Variants in KLF12 observed in about 807,000 individuals in gnomAD.
KLF12 encodes the protein KLF transcription factor 12, also known as Krueppel-like factor 12.
A neutral mutation model predicts 37.8 loss-of-function variants in KLF12; 9 were observed. The ratio of observed to expected loss-of-function variants is 0.24; its 90% CI spans 0.14 to 0.42. The LOEUF is 0.42. Ranked by LOEUF, KLF12 falls within the 10% of genes least tolerant of loss-of-function variation. The pLI is 1.00. For missense variants in KLF12, 411 were observed against 516.0 expected (o/e 0.80, Z 1.97); for synonymous variants, 208 against 202.1 (o/e 1.03, Z -0.25).
At chr13:73,954,504 T>C (rs1890767269) in intron 2 of KLF12, among the ~76,000 whole-genome samples, 1 of 152,200 alleles carries the variant, frequency 6.6e-6, no homozygotes. Flanking sequence ...CATAAAAGCA[T>C]GACGTAGTGT....
intron 5 of KLF12, among the ~76,000 whole-genome samples, chr13:73,804,614 T>G (rs1257862890): frequency 6.6e-6 from 1 of 152,094 alleles, no homozygotes. Context: ...AGCATATACT[T>G]TAGGTTTTAT....
In KLF12 at chr13:73,789,887, A is replaced by G. The variant is rs1348603432; in HGVS notation, c.806+23265T>C. On this transcript the variant is annotated intron_variant, in intron 5 of 7. Coordinates refer to ENST00000377669, the MANE Select transcript of KLF12 (RefSeq NM_007249.5). ...GAGACGGGGTTTCACCGTGTTAGCC[A>G]GGATGGTCTCGATCTCCTGACCTTG... is the stretch of plus-strand genomic sequence containing the variant. Among the ~76,000 whole-genome samples the G allele has an allele frequency of 3.3e-5, 5 of 152,216 alleles. 1 individual carries two copies. In the East Asian group the frequency reaches 9.7e-4, roughly 30 times the overall value.
chr13:74,270,531 C>T, the KLF12 span, among the ~76,000 whole-genome samples: 13 of 152,168 alleles, frequency 8.5e-5, no homozygotes, highest in African/African-American at 1.9e-4. Flanking sequence ...ACTGAGGACA[C>T]GGAAGCTTTG....
At chr13:74,206,850 A>C in the KLF12 span, among the ~76,000 whole-genome samples, 1 of 152,198 alleles carries the variant, frequency 6.6e-6, no homozygotes, top group Non-Finnish European at 1.5e-5. Flanking sequence ...AGTCTTCAAG[A>C]GTTTCTAAAC....
At chr13:74,023,364 G>A (rs1365497442) in intron 1 of KLF12, among the ~76,000 whole-genome samples, 1 of 152,222 alleles carries the variant, frequency 6.6e-6, no homozygotes, top group Non-Finnish European at 1.5e-5. Flanking sequence ...TTATTGGCAG[G>A]TGTATTAGTT....
intron 1 of KLF12, among the ~76,000 whole-genome samples, chr13:74,023,584 A>G (rs1892900012): frequency 6.6e-6 from 1 of 152,102 alleles, no homozygotes; most frequent in South Asian, 2.1e-4. Flanking sequence ...GCCTGTAAAT[A>G]TATCACTCCA....
chr13:73,833,058 G>A (rs141845654), intron 4 of KLF12, among the ~76,000 whole-genome samples: 136 of 152,308 alleles, frequency 8.9e-4, no homozygotes, highest in African/African-American at 3.2e-3. Context: ...TGCTGATGCA[G>A]TTAACTGCAG....
intron 2 of KLF12, among the ~76,000 whole-genome samples, chr13:73,947,802 T>A (rs1363131988): frequency 6.6e-6 from 1 of 152,166 alleles, no homozygotes; most frequent in Admixed American, 6.5e-5. Context: ...TGATCTTCAA[T>A]GACCAGAACT....
intron 4 of KLF12, among the ~76,000 whole-genome samples, chr13:73,838,219 C>T (rs1291314521): frequency 2.0e-4 from 30 of 152,130 alleles, no homozygotes; most frequent in Admixed American, 2.0e-3. Context: ...ACAAATATAA[C>T]CAGCATGAGA....
At chr13:73,763,620 C>T (rs1208850493) in intron 6 of KLF12, among the ~76,000 whole-genome samples, 2 of 152,138 alleles carry the variant, frequency 1.3e-5, no homozygotes, top group Non-Finnish European at 2.9e-5. Context: ...GTTATTTACT[C>T]CATGTTTTAC....
chr13:74,037,969 C>T (rs1461683816), intron 1 of KLF12, among the ~76,000 whole-genome samples: 1 of 152,026 alleles, frequency 6.6e-6, no homozygotes, highest in Non-Finnish European at 1.5e-5. Context: ...GCACAGGAAG[C>T]CTTGTGGGCA....
At chr13:73,900,909 T>G (rs968331448) in intron 3 of KLF12, among the ~76,000 whole-genome samples, 2 of 152,176 alleles carry the variant, frequency 1.3e-5, no homozygotes, top group Non-Finnish European at 2.9e-5. Context: ...ATCTTGAAAG[T>G]TCTGAGTTCT....
At chr13:74,247,381 C>A in the KLF12 span, among the ~76,000 whole-genome samples, 8 of 152,016 alleles carry the variant, frequency 5.3e-5, no homozygotes, top group Non-Finnish European at 1.0e-4. Flanking sequence ...CACACATGGG[C>A]AATTTGGGGG....
chr13:73,823,292 A>T (rs1883637488), intron 4 of KLF12, among the ~76,000 whole-genome samples: 1 of 152,162 alleles, frequency 6.6e-6, no homozygotes, highest in African/African-American at 2.4e-5. Context: ...AAAAGAGCAA[A>T]AAATCCACCT....
chr13:73,978,258 G>A (rs560543048), intron 2 of KLF12, among the ~76,000 whole-genome samples: 3 of 151,914 alleles, frequency 2.0e-5, no homozygotes, highest in African/African-American at 4.8e-5. Flanking sequence ...TGCAAAGAAC[G>A]CAAAGTTCAG....
At chr13:73,922,194 A>G (rs1437895344) in intron 3 of KLF12, among the ~76,000 whole-genome samples, 3 of 152,064 alleles carry the variant, frequency 2.0e-5, no homozygotes, top group Non-Finnish European at 4.4e-5. Flanking sequence ...TTTTCTTTAC[A>G]CTGAAAATTA....
At chr13:74,238,151 G>T in the KLF12 span, among the ~76,000 whole-genome samples, 1 of 132,164 alleles carries the variant, frequency 7.6e-6, no homozygotes, top group Non-Finnish European at 1.5e-5. Context: ...TAGCATGAAG[G>T]GTTGTTGAAT....
At chr13:74,108,930 T>C (rs1876824070) in intron 1 of KLF12, among the ~76,000 whole-genome samples, 1 of 152,124 alleles carries the variant, frequency 6.6e-6, no homozygotes, top group South Asian at 2.1e-4. Context: ...ATCCATATTG[T>C]TCAAGGGTCA....
the KLF12 span, among the ~76,000 whole-genome samples, chr13:74,297,735 A>T: frequency 6.6e-6 from 1 of 152,246 alleles, no homozygotes; most frequent in African/African-American, 2.4e-5. Context: ...AGAGATTTCT[A>T]TAATTATAAA....
Sources: allele counts gnomAD v4.1 joint callset (sites outside exome capture counted in the v4.1 genomes callset), GRCh38; gene constraint gnomAD v4.1.1; transcripts MANE v1.5; gene names NCBI Gene and HGNC (gene_info 2026-07-23, HGNC 2026-07-21).